Variants in CNTNAP5 observed in about 807,000 individuals in gnomAD.
CNTNAP5 encodes contactin associated protein family member 5.
A neutral mutation model predicts 150.2 loss-of-function variants in CNTNAP5; 72 were observed. The observed-to-expected ratio is 0.48, with a 90% CI of 0.40 to 0.58. The LOEUF (loss-of-function observed/expected upper bound fraction) is 0.58, where lower values mean the gene tolerates loss of function less well. Among genes scored for constraint, CNTNAP5 ranks in the 20% least tolerant of loss-of-function variants. The probability of loss-of-function intolerance (pLI) is 0.00; values close to 1 mark genes in which losing one functional copy is unlikely to be tolerated. For missense variants in CNTNAP5, 1,636 were observed against 1,626.2 expected, an observed-to-expected ratio of 1.01 and a Z score of -0.10; for synonymous variants, 672 against 619.8, an observed-to-expected ratio of 1.08 and a Z score of -1.25.
intron 14 of CNTNAP5, among the ~76,000 whole-genome samples, chr2:124,748,416 C>T (rs546137683): frequency 6.6e-6 from 1 of 152,266 alleles, no homozygotes; most frequent in African/African-American, 2.4e-5. Context: ...CTTCTTTTAT[C>T]CTCCAGGTGA....
chr2:124,769,075 G>A (rs1462451799), intron 16 of CNTNAP5, among the ~76,000 whole-genome samples: 2 of 152,064 alleles, frequency 1.3e-5, no homozygotes, highest in African/African-American at 2.4e-5. Context: ...GCCAACCTGG[G>A]GTGGGGATTG....
At position 124,112,619 on chromosome 2, in the gene CNTNAP5, G is replaced by T. The variant is rs150977070; in HGVS notation, c.82+86887G>T. On this transcript the variant is annotated intron_variant, in intron 1 of 23. Coordinates refer to ENST00000682447, the MANE Select transcript of CNTNAP5 (RefSeq NM_001367498.1). ...CTCATGAAACAAAAATATTTAGCAT[G>T]ATGATTTGTTGCAAAGTGATTGCTT... 3.5e-3 allele frequency among the ~76,000 whole-genome samples: 540 copies of T among 152,136 alleles called. 4 individuals carry two copies. Among genetic ancestry groups the T allele is most frequent in the African/African-American group, 0.012 (502 of 41,540 alleles).
intron 13 of CNTNAP5, among the ~76,000 whole-genome samples, chr2:124,718,295 G>C (rs1280269535): frequency 6.6e-6 from 1 of 152,152 alleles, no homozygotes; most frequent in East Asian, 1.9e-4. Context: ...GGGCAATGAA[G>C]AAAGATAAAG....
chr2:124,513,828 T>G (rs965812178), intron 8 of CNTNAP5, among the ~76,000 whole-genome samples: 1 of 152,078 alleles, frequency 6.6e-6, no homozygotes, highest in Non-Finnish European at 1.5e-5. Context: ...GCTCACTCTG[T>G]GGAATGCTGG....
At chr2:124,465,873 C>A (rs1374858975) in intron 6 of CNTNAP5, among the ~76,000 whole-genome samples, 2 of 151,984 alleles carry the variant, frequency 1.3e-5, no homozygotes, top group African/African-American at 4.8e-5. Flanking sequence ...AAAAATAGAT[C>A]AAGGTAATGG....
chr2:124,138,835 A>G (rs914012615), intron 1 of CNTNAP5, among the ~76,000 whole-genome samples: 1 of 151,398 alleles, frequency 6.6e-6, no homozygotes, highest in Admixed American at 6.6e-5. Context: ...ACACACACAC[A>G]CACCACATAT....
intron 3 of CNTNAP5, among the ~76,000 whole-genome samples, chr2:124,270,178 G>A (rs905730147): frequency 2.0e-5 from 3 of 151,938 alleles, no homozygotes; most frequent in Non-Finnish European, 4.4e-5. Flanking sequence ...ACCCGGGCAC[G>A]ATGGCCTGTA....
intron 8 of CNTNAP5, among the ~76,000 whole-genome samples, chr2:124,510,305 A>ATCTATATATATATATC (rs55913869): frequency 5.2e-5 from 5 of 96,288 alleles, no homozygotes; most frequent in Admixed American, 2.4e-4. Flanking sequence ...ATATATCTAT[A>ATCTATATATATATATC]TATATATCTA....
chr2:124,485,612 C>CAAAAAAAAAA lies in CNTNAP5; in HGVS notation c.1062+10743_1062+10752dup, dbSNP rs576700912. Among the ~76,000 whole-genome samples the CAAAAAAAAAA allele has an allele frequency of 6.5e-4, 34 of 52,378 alleles. 1 individual carries two copies. Among genetic ancestry groups the CAAAAAAAAAA allele is most frequent in the African/African-American group, 2.0e-3 (24 of 11,738 alleles). The allele number at this position is 52,378 out of a possible 152,430, so 34.4% of individuals were successfully genotyped here. A position where few individuals can be genotyped will look rare whatever the true frequency, so the allele number is the denominator to read the frequency against. ...TGGGCGACACAGAAAGACTCTGTCT[C>CAAAAAAAAAA]AAAAAAAAAAAAAAAAAAAAAAGAA... On this transcript the variant is annotated intron_variant, in intron 7 of 23. Transcript: ENST00000682447.
intron 13 of CNTNAP5, among the ~76,000 whole-genome samples, chr2:124,670,133 TTTCCTTCCTTCC>T (rs796656346): frequency 1.8e-5 from 2 of 112,608 alleles, no homozygotes; most frequent in African/African-American, 3.3e-5. Flanking sequence ...TCCTTCCTTC[TTTCCTTCCTTCC>T]TTCCTTCCTT....
chr2:124,291,073 TG>T, intron 3 of CNTNAP5, among the ~76,000 whole-genome samples: 1 of 152,216 alleles, frequency 6.6e-6, no homozygotes, highest in Non-Finnish European at 1.5e-5. Flanking sequence ...TCATTTTGAA[TG>T]TGATAATCTT....
intron 13 of CNTNAP5, among the ~76,000 whole-genome samples, chr2:124,701,989 G>C (rs188816699): frequency 2.6e-5 from 4 of 151,926 alleles, no homozygotes; most frequent in Non-Finnish European, 5.9e-5. Flanking sequence ...TGTAGTGAAC[G>C]TCAATATACT....
intron 1 of CNTNAP5, among the ~76,000 whole-genome samples, chr2:124,175,237 G>A (rs1448738316): frequency 2.0e-5 from 3 of 152,142 alleles, no homozygotes; most frequent in African/African-American, 7.2e-5. Context: ...ACATACATAT[G>A]TATGTATAGA....
chr2:124,040,289 G>A (rs1413921064), intron 1 of CNTNAP5, among the ~76,000 whole-genome samples: 2 of 152,118 alleles, frequency 1.3e-5, no homozygotes. Context: ...ACAATCAGGA[G>A]ATCGTGATAT....
At chr2:124,501,612 C>T (rs1327434105) in intron 7 of CNTNAP5, among the ~76,000 whole-genome samples, 1 of 152,140 alleles carries the variant, frequency 6.6e-6, no homozygotes, top group African/African-American at 2.4e-5. Flanking sequence ...ATGGTCAGTC[C>T]ATGTTGATTT....
At chr2:124,430,840 A>G (rs1281929108) in intron 4 of CNTNAP5, among the ~76,000 whole-genome samples, 1 of 152,210 alleles carries the variant, frequency 6.6e-6, no homozygotes, top group Non-Finnish European at 1.5e-5. Context: ...CAAGTTCTTG[A>G]TAGCATCTTT....
chr2:124,318,031 G>C (rs894788925), intron 3 of CNTNAP5, among the ~76,000 whole-genome samples: 1 of 152,186 alleles, frequency 6.6e-6, no homozygotes, highest in Non-Finnish European at 1.5e-5. Context: ...GGAAGTAAGT[G>C]CTTCCCAAAA....
chr2:124,347,458 G>A (rs532627580), intron 3 of CNTNAP5, among the ~76,000 whole-genome samples: 1 of 152,256 alleles, frequency 6.6e-6, no homozygotes, highest in Non-Finnish European at 1.5e-5. Flanking sequence ...CTCCACCAGG[G>A]CAGAAGGACA....
intron 14 of CNTNAP5, among the ~76,000 whole-genome samples, chr2:124,763,254 A>G (rs1680996514): frequency 6.6e-6 from 1 of 152,162 alleles, no homozygotes; most frequent in Admixed American, 6.6e-5. Context: ...AGGTGGCTGA[A>G]ACAAGTCCTT....
Sources: gnomAD v4.1 joint callset for allele counts (sites outside exome capture counted in the v4.1 genomes callset) on GRCh38, gnomAD v4.1.1 for gene constraint, MANE v1.5 for transcripts, NCBI Gene and HGNC (gene_info 2026-07-23, HGNC 2026-07-21) for gene names.